Variants in MED27 observed in about 807,000 individuals in gnomAD.
MED27 encodes mediator of RNA polymerase II transcription subunit 27.
In MED27, 30 loss-of-function variants were observed where a neutral mutation model predicts 38.2. The observed-to-expected ratio is 0.79, with a 90% CI of 0.59 to 1.07. MED27 has a LOEUF of 1.07. Ranked by LOEUF, MED27 falls within the 50% of genes least tolerant of loss-of-function variation. MED27 has a pLI of 0.00. For synonymous variants in MED27, 122 were observed against 153.5 expected (o/e 0.79, Z 1.52); for missense variants, 289 against 397.5 (o/e 0.73, Z 2.32).
intron 2 of MED27, among the ~76,000 whole-genome samples, chr9:132,040,318 G>A (rs770115204): frequency 4.6e-5 from 7 of 152,194 alleles, no homozygotes; most frequent in Non-Finnish European, 1.0e-4. Context: ...TTCCCTGTGG[G>A]AGAATACTTT....
At chr9:131,887,487 T>A (rs1184180557) in intron 5 of MED27, among the ~76,000 whole-genome samples, 1 of 152,190 alleles carries the variant, frequency 6.6e-6, no homozygotes, top group African/African-American at 2.4e-5. Flanking sequence ...CGTACTTGAT[T>A]TTCTGCTAGA....
intron 4 of MED27, among the ~76,000 whole-genome samples, chr9:131,934,159 A>T (rs1002970444): frequency 6.6e-6 from 1 of 152,238 alleles, no homozygotes; most frequent in African/African-American, 2.4e-5. Context: ...CTAAGACCTC[A>T]AACTATGAAA....
intron 4 of MED27, among the ~76,000 whole-genome samples, chr9:131,935,948 G>A (rs1037799209): frequency 1.3e-5 from 2 of 151,630 alleles, no homozygotes; most frequent in Non-Finnish European, 2.9e-5. Context: ...TCAGGAGTTC[G>A]AGACCAGCCT....
intron 3 of MED27, among the ~76,000 whole-genome samples, chr9:131,948,111 C>T (rs975106954): frequency 3.9e-5 from 6 of 152,196 alleles, no homozygotes; most frequent in African/African-American, 9.6e-5. Flanking sequence ...TTGCTTACTT[C>T]TCAGATTTAT....
chr9:132,067,232 G>A (rs1261970544), intron 2 of MED27, among the ~76,000 whole-genome samples: 1 of 152,200 alleles, frequency 6.6e-6, no homozygotes, highest in South Asian at 2.1e-4. Flanking sequence ...TGAGATCAGC[G>A]CCATGCCCAT....
rs1838777941 is a variant in MED27 at position 131,868,777 on chromosome 9, GC to G, written c.724-5638del. ...AGGCCCAGGGCTGTGGCCAGCAGCT[GC>G]CCGCCATCTCCCAGGGCAGGTAAGT... On this transcript the variant is annotated intron_variant, in intron 6 of 7. Transcript: ENST00000292035. The G allele has an allele frequency of 4.1e-6, 4 of 985,378 alleles. No homozygotes were observed. The South Asian group carries it at 1.4e-4, about 35-fold the overall frequency. 61.0% of individuals were successfully genotyped at this position (985,378 alleles called of 1,614,324 possible). A position where few individuals can be genotyped will look rare whatever the true frequency, so the allele number is the denominator to read the frequency against.
chr9:131,883,560 G>A lies in MED27; in HGVS notation c.723+498C>T, dbSNP rs188313449. 3.9e-5 allele frequency among the ~76,000 whole-genome samples: 6 copies of A among 152,326 alleles called. No individual in the cohort carries two copies. In the East Asian group the frequency reaches 1.2e-3, roughly 29 times the overall value. The stretch of plus-strand genomic sequence containing the variant: ...TGGGGAAGGGGCAGGGTGAGGGAGT[G>A]CCAGCCTGCTTCCCTTGGCCCATCC... On this transcript the variant is annotated intron_variant, in intron 6 of 7. Transcript: ENST00000292035. This position sits in a 1 kb window ranked among gnomAD's most constrained non-coding sequence, Gnocchi z 4.2.
chr9:132,010,964 T>C (rs1832474651), intron 3 of MED27, among the ~76,000 whole-genome samples: 1 of 152,138 alleles, frequency 6.6e-6, no homozygotes, highest in Admixed American at 6.6e-5. Context: ...CACACCAACA[T>C]GGCACATGTA....
chr9:131,876,873 C>T (rs1446015216), intron 6 of MED27, among the ~76,000 whole-genome samples: 2 of 152,350 alleles, frequency 1.3e-5, no homozygotes, highest in East Asian at 3.9e-4. Context: ...AAGCTGTCCC[C>T]TCAGTTCTAT....
chr9:131,953,740 G>A (rs566949977), intron 3 of MED27, among the ~76,000 whole-genome samples: 25 of 151,844 alleles, frequency 1.6e-4, no homozygotes, highest in Admixed American at 5.2e-4. Flanking sequence ...AAACAGCTTC[G>A]TTCCAAAAGG....
At chr9:131,885,878 G>T (rs965029870) in intron 5 of MED27, among the ~76,000 whole-genome samples, 5 of 152,300 alleles carry the variant, frequency 3.3e-5, no homozygotes, top group Middle Eastern at 3.4e-3. Context: ...TTTAATATAT[G>T]AATTCAAGAG....
At chr9:131,944,129 G>A (rs567863342) in intron 3 of MED27, among the ~76,000 whole-genome samples, 8 of 152,204 alleles carry the variant, frequency 5.3e-5, no homozygotes, top group South Asian at 4.1e-4. Flanking sequence ...TTCAAATGGC[G>A]AAAATGGATT....
intron 3 of MED27, among the ~76,000 whole-genome samples, chr9:131,974,830 A>G (rs778205170): frequency 6.6e-6 from 1 of 152,178 alleles, no homozygotes; most frequent in Non-Finnish European, 1.5e-5. Flanking sequence ...AGTATCCTCC[A>G]TCTGTCACTT....
At chr9:131,955,426 A>G (rs1831076708) in intron 3 of MED27, among the ~76,000 whole-genome samples, 1 of 152,208 alleles carries the variant, frequency 6.6e-6, no homozygotes, top group African/African-American at 2.4e-5. Context: ...GTGTAAATCA[A>G]TGAAATAGAA....
At chr9:131,879,975 A>G (rs1839007556) in intron 6 of MED27, among the ~76,000 whole-genome samples, 1 of 152,246 alleles carries the variant, frequency 6.6e-6, no homozygotes, top group Admixed American at 6.5e-5. Context: ...ACGTCACCCC[A>G]TAAACTGTGC....
intron 1 of MED27, among the ~76,000 whole-genome samples, chr9:132,079,047 G>T (rs531960207): frequency 6.6e-6 from 1 of 152,264 alleles, no homozygotes; most frequent in Non-Finnish European, 1.5e-5. Flanking sequence ...TAGAGAGTAG[G>T]TCTCTACTGC....
chr9:132,032,544 T>C (rs916048884), intron 2 of MED27, among the ~76,000 whole-genome samples: 4 of 152,254 alleles, frequency 2.6e-5, no homozygotes, highest in Non-Finnish European at 5.9e-5. Context: ...AATCTTGTTC[T>C]TTAATGACCT....
intron 2 of MED27, among the ~76,000 whole-genome samples, chr9:132,022,433 C>T (rs1329213590): frequency 6.6e-6 from 1 of 152,160 alleles, no homozygotes; most frequent in Non-Finnish European, 1.5e-5. Context: ...TAAACACGTA[C>T]TTAAGGCCTG....
At chr9:131,914,894 T>C (rs78679557) in intron 4 of MED27, among the ~76,000 whole-genome samples, 5,061 of 152,128 alleles carry the variant, frequency 0.033, 295 homozygotes, top group African/African-American at 0.11. Context: ...TACCAATGGA[T>C]TGATTGTGAA....
Sources: gnomAD v4.1 joint callset for allele counts (sites outside exome capture counted in the v4.1 genomes callset) on GRCh38, gnomAD v4.1.1 for gene constraint, Gnocchi (gnomAD v3.1) non-coding constraint, MANE v1.5 for transcripts, NCBI Gene and HGNC (gene_info 2026-07-23, HGNC 2026-07-21) for gene names.